The following CDH13 variants were observed in gnomAD, a reference collection of about 807,000 sequenced individuals.
CDH13 encodes cadherin-13.
CDH13 carries 24 observed loss-of-function variants against 63.8 expected under a neutral mutation model. The ratio of observed to expected loss-of-function variants is 0.38; its 90% CI spans 0.27 to 0.53. The LOEUF is 0.53. Among genes scored for constraint, CDH13 ranks in the 20% least tolerant of loss-of-function variants. The pLI is 0.85. For synonymous variants in CDH13, 503 were observed against 355.3 expected (o/e 1.42, Z -4.67); for missense variants, 1,049 against 903.1 (o/e 1.16, Z -2.07).
intron 9 of CDH13, among the ~76,000 whole-genome samples, chr16:83,672,176 C>T (rs537945497): frequency 1.2e-4 from 18 of 152,156 alleles, no homozygotes; most frequent in Non-Finnish European, 2.4e-4. Context: ...GTTAATGTAA[C>T]CTCCCTCTTA....
intron 1 of CDH13, among the ~76,000 whole-genome samples, chr16:82,808,923 T>G (rs1208422673): frequency 2.6e-5 from 4 of 152,326 alleles, no homozygotes; most frequent in African/African-American, 9.6e-5. Context: ...CCTGCCCTCA[T>G]GTTTACACAT....
intron 1 of CDH13, among the ~76,000 whole-genome samples, chr16:82,725,829 A>T (rs1457335485): frequency 6.6e-6 from 1 of 152,136 alleles, no homozygotes; most frequent in Non-Finnish European, 1.5e-5. Context: ...TTCAGGCAAG[A>T]GTGATTTTTA....
chr16:83,401,391 G>A lies in CDH13; in HGVS notation c.781+56385G>A, dbSNP rs188805896. On this transcript the variant is annotated intron_variant, in intron 6 of 13. Transcript: ENST00000567109. ...TAAAAAATTAAAAAATTAGCCAGGC[G>A]TGGTAGGCGTGGTGGGAAGCTGAGG... Among the ~76,000 whole-genome samples the A allele has an allele frequency of 4.9e-3, 749 of 151,348 alleles. 3 individuals carry two copies. Among genetic ancestry groups the A allele is most frequent in the South Asian group, 0.01 (48 of 4,758 alleles).
At chr16:83,234,361 T>C (rs1250260745) in intron 5 of CDH13, among the ~76,000 whole-genome samples, 1 of 152,204 alleles carries the variant, frequency 6.6e-6, no homozygotes, top group African/African-American at 2.4e-5. Context: ...TCCTTTCCAT[T>C]CGTTGCTTAG....
At chr16:83,397,505 T>G (rs2091905739) in intron 6 of CDH13, 1 of 152,178 alleles carries the variant, frequency 6.6e-6, no homozygotes, top group African/African-American at 2.4e-5. Context: ...GTAAGGAAGA[T>G]GAGCATGGGG....
chr16:83,199,412 G>T (rs1012241529), intron 4 of CDH13, among the ~76,000 whole-genome samples: 2 of 152,188 alleles, frequency 1.3e-5, no homozygotes, highest in African/African-American at 2.4e-5. Flanking sequence ...TGATTTCAGA[G>T]TGTTCTGTAC....
chr16:83,708,481 C>G lies in CDH13; in HGVS notation c.1538+30020C>G, dbSNP rs186443001. On this transcript the variant is annotated intron_variant, in intron 10 of 13. Coordinates refer to ENST00000567109, the MANE Select transcript of CDH13 (RefSeq NM_001257.5). The stretch of plus-strand genomic sequence containing the variant: ...CCCCTCAGCATGCTTTGTTCTCTTT[C>G]TGTCTTTTTCTGTCTAGGTTCTCTA... Among the ~76,000 whole-genome samples the G allele has an allele frequency of 4.5e-3, 684 of 152,296 alleles. 5 individuals are homozygous for G. The highest frequency in any genetic ancestry group is 0.016 in the African/African-American group (659 of 41,574).
intron 1 of CDH13, among the ~76,000 whole-genome samples, chr16:82,770,514 C>T (rs577288992): frequency 5.8e-4 from 89 of 152,188 alleles, no homozygotes; most frequent in African/African-American, 2.1e-3. Context: ...TATTCACTAT[C>T]CTGCTTAAAA....
intron 1 of CDH13, among the ~76,000 whole-genome samples, chr16:82,684,246 G>A (rs886116687): frequency 6.6e-6 from 1 of 152,198 alleles, no homozygotes; most frequent in South Asian, 2.1e-4. Context: ...GATTCAGAAC[G>A]AAACGGTGAC....
chr16:83,160,066 A>G (rs2151709241), intron 4 of CDH13, among the ~76,000 whole-genome samples: 1 of 151,840 alleles, frequency 6.6e-6, no homozygotes, highest in Admixed American at 6.6e-5. Context: ...ACAGAGCAAG[A>G]CTCTGTCTCA....
intron 2 of CDH13, among the ~76,000 whole-genome samples, chr16:82,891,202 C>T (rs377329407): frequency 1.3e-5 from 2 of 152,064 alleles, no homozygotes; most frequent in East Asian, 3.9e-4. Flanking sequence ...AAAATGAGTT[C>T]CATGCTGGAA....
At chr16:83,794,629 A>ATG (rs1916486468) in intron 13 of CDH13, among the ~76,000 whole-genome samples, 2 of 150,462 alleles carry the variant, frequency 1.3e-5, no homozygotes, top group Admixed American at 1.3e-4. Flanking sequence ...AAGTCAACAT[A>ATG]TATATATATA....
chr16:83,253,203 A>T (rs1042610924), intron 5 of CDH13, among the ~76,000 whole-genome samples: 1 of 152,040 alleles, frequency 6.6e-6, no homozygotes, highest in Non-Finnish European at 1.5e-5. Context: ...TCCAAGATGG[A>T]TTTATTTTTC....
At chr16:82,634,783 A>T (rs1908448567) in intron 1 of CDH13, among the ~76,000 whole-genome samples, 1 of 152,224 alleles carries the variant, frequency 6.6e-6, no homozygotes, top group African/African-American at 2.4e-5. Flanking sequence ...GGGCCTGAGA[A>T]GTTCAGCCGT....
intron 1 of CDH13, among the ~76,000 whole-genome samples, chr16:82,691,813 G>T (rs1332726654): frequency 6.6e-6 from 1 of 151,896 alleles, no homozygotes; most frequent in Non-Finnish European, 1.5e-5. Context: ...TCTTAAATTG[G>T]GATCTCGATG....
intron 6 of CDH13, among the ~76,000 whole-genome samples, chr16:83,451,906 G>C (rs77186876): frequency 6.6e-6 from 1 of 152,290 alleles, no homozygotes; most frequent in African/African-American, 2.4e-5. Flanking sequence ...TTAAAATGGA[G>C]CCTTCAGTGC....
At chr16:83,261,460 T>G (rs1356978164) in intron 5 of CDH13, among the ~76,000 whole-genome samples, 1 of 152,110 alleles carries the variant, frequency 6.6e-6, no homozygotes, top group Non-Finnish European at 1.5e-5. Context: ...AACATATTTC[T>G]GCAAAAATAC....
intron 8 of CDH13, among the ~76,000 whole-genome samples, chr16:83,621,475 C>CTGTTTTT (rs1909807719): frequency 3.5e-5 from 1 of 28,530 alleles, no homozygotes. Flanking sequence ...CCTCACCTGC[C>CTGTTTTT]TTTTTTTTTT....
At chr16:82,792,166 T>A (rs1365812377) in intron 1 of CDH13, among the ~76,000 whole-genome samples, 1 of 152,156 alleles carries the variant, frequency 6.6e-6, no homozygotes, top group Non-Finnish European at 1.5e-5. Flanking sequence ...CTTGACTTCA[T>A]AGACTCACAA....
Sources: gnomAD v4.1 joint callset for allele counts (sites outside exome capture counted in the v4.1 genomes callset) on GRCh38, gnomAD v4.1.1 for gene constraint, MANE v1.5 for transcripts, NCBI Gene and HGNC (gene_info 2026-07-23, HGNC 2026-07-21) for gene names.